The following ARAP2 variants were observed in gnomAD, a reference collection of about 807,000 sequenced individuals.
ARAP2 encodes the protein ArfGAP with RhoGAP domain, ankyrin repeat and PH domain 2, also known as arf-GAP with Rho-GAP domain, ANK repeat and PH domain-containing protein 2.
ARAP2 carries 148 observed loss-of-function variants against 194.5 expected under a neutral mutation model. The observed-to-expected ratio is 0.76, with a 90% confidence interval of 0.67 to 0.87. The LOEUF is 0.87. Ranked by LOEUF, ARAP2 falls within the 40% of genes least tolerant of loss-of-function variation. ARAP2 has a pLI of 0.00. For missense variants in ARAP2, 2,128 were observed against 1,989.7 expected, an observed-to-expected ratio of 1.07 and a Z score of -1.32; for synonymous variants, 695 against 683.5, an observed-to-expected ratio of 1.02 and a Z score of -0.26.
At chr4:36,010,150 T>A (rs1714186060) in intron 9 of ARAP2, among the ~76,000 whole-genome samples, 1 of 151,286 alleles carries the variant, frequency 6.6e-6, no homozygotes, top group Non-Finnish European at 1.5e-5. Flanking sequence ...TAAATAAATA[T>A]AATTATATGT....
chr4:36,080,113 T>C, intron 31 of ARAP2, 103 bp downstream of exon 31: 1 of 919,612 alleles, frequency 1.1e-6, no homozygotes, highest in African/African-American at 1.7e-5. Context: ...TGTACATACA[T>C]TTAAAATGCT....
chr4:36,172,186 A>G (rs1255842696), intron 9 of ARAP2, among the ~76,000 whole-genome samples: 1 of 152,218 alleles, frequency 6.6e-6, no homozygotes, highest in Non-Finnish European at 1.5e-5. Context: ...GGCTATGCTT[A>G]GCTTAGCAGA....
chr4:36,060,188 C>T (rs1560339282), intron 1 of ARAP2, among the ~76,000 whole-genome samples: 1 of 152,150 alleles, frequency 6.6e-6, no homozygotes, highest in Non-Finnish European at 1.5e-5. Context: ...TGGTTGATTA[C>T]TCAGTCGTTT....
chr4:36,176,581 T>G (rs1737970465), intron 9 of ARAP2, among the ~76,000 whole-genome samples: 1 of 152,128 alleles, frequency 6.6e-6, no homozygotes, highest in Non-Finnish European at 1.5e-5. Flanking sequence ...TACAGATACA[T>G]GCAAATTATG....
chr4:36,120,113 C>A (rs929864323), intron 23 of ARAP2, among the ~76,000 whole-genome samples: 1 of 151,378 alleles, frequency 6.6e-6, no homozygotes, highest in East Asian at 1.9e-4. Context: ...ATGAAGATAA[C>A]CATTTTATTA....
intron 3 of ARAP2, among the ~76,000 whole-genome samples, chr4:36,050,756 G>C (rs947742822): frequency 6.6e-6 from 1 of 152,136 alleles, no homozygotes; most frequent in African/African-American, 2.4e-5. Flanking sequence ...CCCCCACAAA[G>C]TACTTGTTTG....
chr4:36,201,819 A>T (rs1353420296), intron 6 of ARAP2, among the ~76,000 whole-genome samples: 17 of 152,070 alleles, frequency 1.1e-4, no homozygotes, highest in Admixed American at 1.1e-3. Context: ...TTACATCTTT[A>T]AGCTTAAAAA....
intron 2 of ARAP2, among the ~76,000 whole-genome samples, chr4:36,224,216 A>T (rs1188084875): frequency 6.7e-6 from 1 of 149,090 alleles, no homozygotes; most frequent in Non-Finnish European, 1.5e-5. Flanking sequence ...CAAAATGTTA[A>T]AAATAAATAA....
intron 1 of ARAP2, among the ~76,000 whole-genome samples, chr4:36,230,242 C>CCTTAGAGGCACTGA (rs1751174789): frequency 6.6e-6 from 1 of 152,172 alleles, no homozygotes; most frequent in African/African-American, 2.4e-5. Flanking sequence ...TCCTGTTAAA[C>CCTTAGAGGCACTGA]AATATTCCCA....
At chr4:36,076,960 CA>C (rs1441276955) in intron 31 of ARAP2, among the ~76,000 whole-genome samples, 1 of 152,072 alleles carries the variant, frequency 6.6e-6, no homozygotes, top group Non-Finnish European at 1.5e-5. Flanking sequence ...AGCCAATTGA[CA>C]CAGGAGTTAA....
In ARAP2 at chr4:36,177,821, G is replaced by A. The variant is rs751246980; in HGVS notation, c.1857+6C>T. ...AGCAATTTGCAATGACTATAACAGA[G>A]CTCACCTGTTCGTTTTTGCAAAGCC... is the stretch of plus-strand genomic sequence containing the variant. On this transcript the variant is annotated splice_donor_region_variant and intron_variant, in intron 9 of 32. Transcript: ENST00000303965. The A allele has an allele frequency of 6.3e-7, 1 of 1,594,718 alleles. No individual in the cohort carries two copies. Among genetic ancestry groups the A allele is most frequent in the Non-Finnish European group, 8.5e-7 (1 of 1,172,232 alleles).
intron 26 of ARAP2, among the ~76,000 whole-genome samples, chr4:36,110,134 A>G (rs192472444): frequency 2.6e-5 from 4 of 151,950 alleles, no homozygotes; most frequent in Middle Eastern, 3.4e-3. Context: ...TCCCAAACCT[A>G]TCTAACTTTA....
At chr4:36,052,029 C>T (rs1290415728) in exon 3 of ARAP2, 2 of 152,174 alleles carry the variant, frequency 1.3e-5, no homozygotes, top group South Asian at 2.1e-4. Context: ...ACTGCTCTAG[C>T]GCTTGCTGTT....
intron 6 of ARAP2, among the ~76,000 whole-genome samples, chr4:36,203,736 C>T (rs1034220440): frequency 5.9e-5 from 9 of 152,036 alleles, no homozygotes; most frequent in Admixed American, 5.9e-4. Flanking sequence ...TTACAAGAAA[C>T]AAATAGCAAG....
intron 19 of ARAP2, among the ~76,000 whole-genome samples, chr4:36,139,488 T>C (rs1296997391): frequency 1.3e-5 from 2 of 151,718 alleles, no homozygotes; most frequent in African/African-American, 4.8e-5. Flanking sequence ...GGACCAGCTA[T>C]TTGTGGCTCA....
downstream of ARAP2, among the ~76,000 whole-genome samples, chr4:36,063,059 T>C (rs1210284600): frequency 6.6e-6 from 1 of 152,144 alleles, no homozygotes; most frequent in Non-Finnish European, 1.5e-5. Flanking sequence ...ACTAACTCCA[T>C]TTTTTGTTAA....
At chr4:36,176,884 T>A (rs1021837921) in intron 9 of ARAP2, among the ~76,000 whole-genome samples, 6 of 152,066 alleles carry the variant, frequency 3.9e-5, no homozygotes, top group African/African-American at 7.2e-5. Flanking sequence ...TTATAAAAAA[T>A]AGTCAGCATT....
In ARAP2 at chr4:36,090,009, C is replaced by T. The variant is rs369534505; in HGVS notation, c.4425+1872G>A. ...AAGAATTTTTACATATATTATTAGA[C>T]CACTAGCTTGACTAATAAAGAAGAG... On this transcript the variant is annotated intron_variant, in intron 28 of 32. Transcript: ENST00000303965. Among the ~76,000 whole-genome samples the T allele has an allele frequency of 1.4e-4, 22 of 151,850 alleles. 2 individuals carry two copies. In the South Asian group the frequency reaches 4.6e-3, roughly 32 times the overall value.
chr4:36,054,502 AT>A (rs984350194), intron 2 of ARAP2, among the ~76,000 whole-genome samples: 3 of 152,148 alleles, frequency 2.0e-5, no homozygotes, highest in Admixed American at 6.5e-5. Flanking sequence ...GAGATGAGAA[AT>A]TAGTAACGAT....
Sources: allele counts gnomAD v4.1 joint callset (sites outside exome capture counted in the v4.1 genomes callset), GRCh38; gene constraint gnomAD v4.1.1; transcripts MANE v1.5; gene names NCBI Gene and HGNC (gene_info 2026-07-23, HGNC 2026-07-21).